KCNQ1: variants seen among roughly 807,000 people sequenced by gnomAD.
KCNQ1 encodes potassium voltage-gated channel subfamily KQT member 1.
Under a neutral mutation model 72.4 loss-of-function variants are expected in KCNQ1, and 49 were observed. The ratio of observed to expected loss-of-function variants is 0.68; its 90% CI spans 0.54 to 0.86. The LOEUF (loss-of-function observed/expected upper bound fraction) is 0.86, where lower values mean the gene tolerates loss of function less well. KCNQ1 is among the 40% of genes least tolerant of loss of function. The pLI is 0.00. For missense variants in KCNQ1, 790 were observed against 945.1 expected (o/e 0.84, Z 2.15); for synonymous variants, 450 against 412.6 (o/e 1.09, Z -1.10).
rs922710682 is a variant in KCNQ1 at position 2,458,671 on chromosome 11, GGATGGATGGATGGATC to G, written c.386+13191_386+13206del. Among the ~76,000 whole-genome samples the G allele has an allele frequency of 6.8e-4, 73 of 106,704 alleles. No homozygotes were observed. Among genetic ancestry groups the G allele is most frequent in the African/African-American group, 3.2e-3 (73 of 23,102 alleles). The allele number at this position is 106,704 out of a possible 152,430, so 70.0% of individuals were successfully genotyped here. On this transcript the variant is annotated intron_variant, in intron 1 of 15. Transcript: ENST00000155840. The surrounding 1 kb of genome is among the most constrained non-coding windows in gnomAD (Gnocchi z 4.6). Reference sequence around the variant, plus strand: ...TGGATGGATGGATGGATGGATGGATGGATGGATGGATGGATCGATCGATCTCACCAAGCCTCGTGCT... The same window carrying G: ...TGGATGGATGGATGGATGGATGGATGGATCGATCTCACCAAGCCTCGTGCT...
At chr11:2,510,104 TA>T (rs59214756) in intron 1 of KCNQ1, among the ~76,000 whole-genome samples, 19 of 146,136 alleles carry the variant, frequency 1.3e-4, no homozygotes, top group East Asian at 6.0e-4. Flanking sequence ...ACCCCATCTC[TA>T]AAAAAAAAAA....
rs1590059373 is a variant in KCNQ1, at chr11:2,734,170, T to G, written c.1515-34674T>G. Among the ~76,000 whole-genome samples the G allele has an allele frequency of 6.6e-6, 1 of 151,290 alleles. No individual in the cohort carries two copies. On this transcript the variant is annotated intron_variant, in intron 11 of 15. Transcript: ENST00000155840. This position sits in a 1 kb window ranked among gnomAD's most constrained non-coding sequence, Gnocchi z 7.0. ...AGGGCCCGCAGGTGTGTGTGAGAGG[T>G]GCATGGTGGACGTCCAAAGAATAAA...
intron 1 of KCNQ1, among the ~76,000 whole-genome samples, chr11:2,470,706 G>GA (rs1266512836): frequency 5.8e-5 from 7 of 120,846 alleles, no homozygotes; most frequent in Non-Finnish European, 8.2e-5. Flanking sequence ...CAGTTAGGTG[G>GA]GGGGGGGGGT....
At chr11:2,811,571 C>T (rs1362727595) in intron 15 of KCNQ1, among the ~76,000 whole-genome samples, 1 of 152,214 alleles carries the variant, frequency 6.6e-6, no homozygotes, top group Admixed American at 6.5e-5. Flanking sequence ...CAGGCGGGGC[C>T]CTTGCCGAGC....
Position 2,455,371 on chromosome 11 carries a change from T to TC in KCNQ1, c.386+9888dup, listed in dbSNP as rs1554881924. Among the ~76,000 whole-genome samples the TC allele has an allele frequency of 2.6e-5, 4 of 152,336 alleles. No homozygotes were observed. In the Middle Eastern group the frequency reaches 0.01, roughly 389 times the overall value. ...CCTTGGCCTCCCAAAGTGCTGGGAT[T>TC]CAGGCTTGAGCCACCGTGCCTGGCC... On this transcript the variant is annotated intron_variant, in intron 1 of 15. Coordinates refer to ENST00000155840, the MANE Select transcript of KCNQ1 (RefSeq NM_000218.3).
intron 15 of KCNQ1, among the ~76,000 whole-genome samples, chr11:2,844,466 C>G (rs1564914838): frequency 2.0e-5 from 3 of 152,202 alleles, no homozygotes; most frequent in African/African-American, 2.4e-5. Flanking sequence ...CCAGCCAGAG[C>G]CAGGCATGGG....
intron 1 of KCNQ1, among the ~76,000 whole-genome samples, chr11:2,448,417 G>GT (rs1170970575): frequency 6.6e-6 from 1 of 152,198 alleles, no homozygotes; most frequent in Non-Finnish European, 1.5e-5. Flanking sequence ...CCAGAAGCAG[G>GT]TCCCAGAGGT....
intron 1 of KCNQ1, among the ~76,000 whole-genome samples, chr11:2,496,270 A>G (rs897778188): frequency 6.6e-6 from 1 of 151,684 alleles, no homozygotes; most frequent in Admixed American, 6.6e-5. Flanking sequence ...CCCCATCTCT[A>G]CTAAAAATAC....
rs1005272233 is a variant in KCNQ1, at chr11:2,803,637, C to T, written c.1794+25600C>T. Reference sequence around the variant, plus strand: ...CGTCTGCAGCCCCATCTCCAGGTCCCGGCCTGCCCCAGCCTGCCCACCCCC... The same window carrying T: ...CGTCTGCAGCCCCATCTCCAGGTCCTGGCCTGCCCCAGCCTGCCCACCCCC... On this transcript the variant is annotated intron_variant, in intron 15 of 15. Coordinates refer to ENST00000155840, the MANE Select transcript of KCNQ1 (RefSeq NM_000218.3). The surrounding 1 kb of genome is among the most constrained non-coding windows in gnomAD (Gnocchi z 6.4). 6.6e-6 allele frequency among the ~76,000 whole-genome samples: 1 copy of T among 152,108 alleles called. No individual in the cohort carries two copies. The highest frequency in any genetic ancestry group is 1.5e-5 in the Non-Finnish European group (1 of 67,996).
At chr11:2,453,840 T>G (rs1846147718) in intron 1 of KCNQ1, among the ~76,000 whole-genome samples, 1 of 152,208 alleles carries the variant, frequency 6.6e-6, no homozygotes. Flanking sequence ...AAATGCCCAT[T>G]GTAGGAGACT....
In KCNQ1 at chr11:2,511,111, C is replaced by T. The variant is rs540685324; in HGVS notation, c.387-16817C>T. 5.5e-4 allele frequency among the ~76,000 whole-genome samples: 83 copies of T among 152,282 alleles called. 1 individual carries two copies. In the South Asian group the frequency reaches 0.016, roughly 29 times the overall value. ...TTATCTGTCTCTGCACCCCTGGAGC[C>T]CAGCGTGGTGCCAGGCACACACTAC... On this transcript the variant is annotated intron_variant, in intron 1 of 15. Coordinates refer to ENST00000155840, the MANE Select transcript of KCNQ1 (RefSeq NM_000218.3).
At chr11:2,840,401 A>C (rs1001900134) in intron 15 of KCNQ1, 2 of 152,236 alleles carry the variant, frequency 1.3e-5, no homozygotes, top group African/African-American at 4.8e-5. Flanking sequence ...AGTGGGGAAA[A>C]GGTCCATCAT....
Position 2,515,938 on chromosome 11 carries a change from C to G in KCNQ1, c.387-11990C>G, listed in dbSNP as rs531035124. Among the ~76,000 whole-genome samples the G allele has an allele frequency of 6.6e-6, 1 of 152,040 alleles. No homozygotes were observed. The highest frequency in any genetic ancestry group is 2.1e-4 in the South Asian group (1 of 4,810). On this transcript the variant is annotated intron_variant, in intron 1 of 15. Transcript: ENST00000155840. The surrounding 1 kb of genome is among the most constrained non-coding windows in gnomAD (Gnocchi z 4.7). ...CCCCTGTCCTCTGCTGAGGCCCTGA[C>G]CACCTCTATGTGTGCCATGGCTGCA...
Position 2,473,034 on chromosome 11 carries a change from C to T in KCNQ1, c.386+27550C>T, listed in dbSNP as rs117136008. 6.6e-6 allele frequency among the ~76,000 whole-genome samples: 1 copy of T among 152,128 alleles called. No homozygotes were observed. Among genetic ancestry groups the T allele is most frequent in the East Asian group, 1.9e-4 (1 of 5,134 alleles). ...GGCCTCTGTCATTGGAGGAGACTGT[C>T]CCATGTCCCTCCAGATCATGTCCCT... On this transcript the variant is annotated intron_variant, in intron 1 of 15. Transcript: ENST00000155840. This position sits in a 1 kb window ranked among gnomAD's most constrained non-coding sequence, Gnocchi z 6.0.
At chr11:2,733,723 G>A (rs982569883) in intron 11 of KCNQ1, among the ~76,000 whole-genome samples, 5 of 150,762 alleles carry the variant, frequency 3.3e-5, no homozygotes, top group African/African-American at 7.3e-5. Context: ...CTCCTGGAGG[G>A]CAGAGGCAGT....
At chr11:2,744,252 C>G (rs750773348) in intron 11 of KCNQ1, among the ~76,000 whole-genome samples, 3 of 152,252 alleles carry the variant, frequency 2.0e-5, no homozygotes, top group Non-Finnish European at 4.4e-5. Context: ...TGTCTCTGCT[C>G]AAACAGGAGA....
intron 13 of KCNQ1, 40 bp from the exon 14 acceptor site, chr11:2,776,946 A>G: frequency 6.2e-7 from 1 of 1,603,466 alleles, no homozygotes; most frequent in Admixed American, 1.7e-5. Context: ...GCGCAGTGCC[A>G]GGGCCAGGTG....
intron 8 of KCNQ1, among the ~76,000 whole-genome samples, 171 bp downstream of exon 8, chr11:2,585,478 C>T (rs573933802): frequency 8.5e-5 from 13 of 152,348 alleles, no homozygotes; most frequent in African/African-American, 2.4e-4. Context: ...GGGGTGAGCA[C>T]GGGGCATTGG....
Position 2,647,237 on chromosome 11 carries a change from AT to A in KCNQ1, c.1394-14717del. ...TCTGCATCTATTGAGATGATCATGTATTTTTTTGTCCTTCCTTCTGTTAATG... is the reference window on the plus strand; with the variant it reads ...TCTGCATCTATTGAGATGATCATGTATTTTTTGTCCTTCCTTCTGTTAATG... On this transcript the variant is annotated intron_variant, in intron 10 of 15. Coordinates refer to ENST00000155840, the MANE Select transcript of KCNQ1 (RefSeq NM_000218.3). The surrounding 1 kb of genome is among the most constrained non-coding windows in gnomAD (Gnocchi z 4.0). 5.0e-6 allele frequency: 2 copies of A among 397,964 alleles called. No homozygotes were observed. Among genetic ancestry groups the A allele is most frequent in the Non-Finnish European group, 8.9e-6 (2 of 225,904 alleles). 24.7% of individuals were successfully genotyped at this position (397,964 alleles called of 1,614,324 possible).
Sources: gnomAD v4.1 joint callset for allele counts (sites outside exome capture counted in the v4.1 genomes callset) on GRCh38, gnomAD v4.1.1 for gene constraint, Gnocchi (gnomAD v3.1) non-coding constraint, MANE v1.5 for transcripts, NCBI Gene and HGNC (gene_info 2026-07-23, HGNC 2026-07-21) for gene names.